The following PRSS3 variants were observed in gnomAD, a reference collection of about 807,000 sequenced individuals.
PRSS3 encodes the protein trypsin-3.
Under a neutral mutation model 20.8 loss-of-function variants are expected in PRSS3, and 14 were observed. That is an observed-to-expected ratio of 0.67 (90% CI 0.44 to 1.05). PRSS3 has a LOEUF of 1.05. Ranked by LOEUF, PRSS3 falls within the 50% of genes least tolerant of loss-of-function variation. The pLI, the probability that PRSS3 is intolerant of heterozygous loss-of-function variation, is 0.00. For missense variants in PRSS3, 237 were observed against 306.4 expected, an observed-to-expected ratio of 0.77 and a Z score of 1.69; for synonymous variants, 91 against 117.6, an observed-to-expected ratio of 0.77 and a Z score of 1.46.
chr9:33,771,636 TG>T (rs560594173), intron 1 of PRSS3, among the ~76,000 whole-genome samples: 17,036 of 113,252 alleles, frequency 0.15, 1,837 homozygotes, highest in Non-Finnish European at 0.17. Flanking sequence ...TTTGTTTTTT[TG>T]TTTTTTTGTT....
chr9:33,754,482 A>C (rs1403317922), intron 1 of PRSS3, among the ~76,000 whole-genome samples: 2 of 152,176 alleles, frequency 1.3e-5, no homozygotes, highest in African/African-American at 4.8e-5. Context: ...ATTAAAGGTG[A>C]GGGAACCTGA....
At chr9:33,755,605 A>G (rs1342777230) in intron 1 of PRSS3, among the ~76,000 whole-genome samples, 1 of 152,026 alleles carries the variant, frequency 6.6e-6, no homozygotes, top group African/African-American at 2.4e-5. Flanking sequence ...TTTGGTGTGT[A>G]TATTATTCCC....
intron 1 of PRSS3, among the ~76,000 whole-genome samples, chr9:33,780,259 T>C (rs1824127168): frequency 6.6e-6 from 1 of 152,224 alleles, no homozygotes; most frequent in Non-Finnish European, 1.5e-5. Context: ...ATTGGGAGAC[T>C]ATTTTCAGCA....
At chr9:33,780,821 A>G (rs1219099109) in intron 1 of PRSS3, among the ~76,000 whole-genome samples, 25 of 152,268 alleles carry the variant, frequency 1.6e-4, no homozygotes, top group Admixed American at 1.6e-3. Flanking sequence ...GTACAATCCA[A>G]CAAGGAGACC....
At chr9:33,790,251 A>G (rs1160307632) in intron 1 of PRSS3, among the ~76,000 whole-genome samples, 2 of 152,242 alleles carry the variant, frequency 1.3e-5, no homozygotes, top group Admixed American at 1.3e-4. Context: ...ATCATACAAT[A>G]TGTAGTTTTA....
At chr9:33,755,676 C>G (rs148191819) in intron 1 of PRSS3, among the ~76,000 whole-genome samples, 34 of 152,292 alleles carry the variant, frequency 2.2e-4, no homozygotes, top group African/African-American at 6.7e-4. Context: ...TCTTTCCCCC[C>G]ACCCCATGGA....
At chr9:33,770,918 A>T (rs1166891310) in intron 1 of PRSS3, among the ~76,000 whole-genome samples, 1 of 152,240 alleles carries the variant, frequency 6.6e-6, no homozygotes, top group Non-Finnish European at 1.5e-5. Context: ...CCTGGGAAAT[A>T]TCGTGCCAAC....
At chr9:33,794,128 C>A (rs1163310257), upstream of PRSS3, among the ~76,000 whole-genome samples, 1 of 152,252 alleles carries the variant, frequency 6.6e-6, no homozygotes, top group Non-Finnish European at 1.5e-5. Context: ...TTCCAATTCC[C>A]TCTGGTTTCC....
Position 33,796,769 on chromosome 9 carries a change from A to G in PRSS3, c.167A>G (p.Gln56Arg). Residue 56 changes from glutamine (Q) to arginine (R), a missense_variant, in exon 2 of 5, where the codon CAG becomes CGG. By Grantham distance (43) the Gln-to-Arg change is conservative. Coordinates refer to ENST00000379405, the MANE Select transcript of PRSS3 (RefSeq NM_002771.4). ...TGCGGTGGCTCCCTCATCAGCGAAC[A>G]GTGGGTGGTATCAGCAGCTCACTGC... ...HFCGGSLISEQWVVSAAHCYK... is the reference protein window; with the variant it reads ...HFCGGSLISERWVVSAAHCYK... 1.2e-6 allele frequency: 2 copies of G among 1,614,006 alleles called. No individual in the cohort carries two copies. Among genetic ancestry groups the G allele is most frequent in the Non-Finnish European group, 1.7e-6 (2 of 1,179,856 alleles).
intron 1 of PRSS3, 95 bp downstream of exon 1, chr9:33,795,708 T>A (rs1824884491): frequency 7.1e-7 from 1 of 1,415,086 alleles, no homozygotes; most frequent in African/African-American, 1.4e-5. Flanking sequence ...TTGACTGCGC[T>A]CTGATATTCT....
At chr9:33,790,575 T>A (rs543981783), upstream of PRSS3, among the ~76,000 whole-genome samples, 1 of 152,330 alleles carries the variant, frequency 6.6e-6, no homozygotes, top group Non-Finnish European at 1.5e-5. Context: ...AAGAGACCCT[T>A]CCACTCTACG....
At chr9:33,785,551 ATAT>A (rs1489110318) in intron 1 of PRSS3, among the ~76,000 whole-genome samples, 1 of 152,216 alleles carries the variant, frequency 6.6e-6, no homozygotes, top group Non-Finnish European at 1.5e-5. Flanking sequence ...AGAAGAAACC[ATAT>A]TACAAGTATT....
At chr9:33,754,196 C>T (rs1357170002) in intron 1 of PRSS3, among the ~76,000 whole-genome samples, 1 of 152,132 alleles carries the variant, frequency 6.6e-6, no homozygotes, top group Admixed American at 6.5e-5. Flanking sequence ...CCTCAGCCTC[C>T]AAGTAGCTGG....
chr9:33,762,286 C>A (rs1043630227), intron 1 of PRSS3: 1 of 152,214 alleles, frequency 6.6e-6, no homozygotes, highest in East Asian at 1.9e-4. Context: ...ACTTCCCATA[C>A]AGGAAATAAC....
chr9:33,752,452 A>G (rs1857779111), intron 1 of PRSS3, among the ~76,000 whole-genome samples: 1 of 152,246 alleles, frequency 6.6e-6, no homozygotes. Context: ...TGCTATTGCA[A>G]AACATTTTAT....
At chr9:33,794,891 C>T (rs1824830793), upstream of PRSS3, 1 of 1,550,376 alleles carries the variant, frequency 6.5e-7, no homozygotes, top group East Asian at 2.4e-5. Flanking sequence ...CCTACCTAAC[C>T]TGTGTCCCCT....
At chr9:33,764,246 T>C (rs1394028048) in intron 1 of PRSS3, among the ~76,000 whole-genome samples, 2 of 152,172 alleles carry the variant, frequency 1.3e-5, no homozygotes, top group Non-Finnish European at 2.9e-5. Flanking sequence ...TAAGTCAAAA[T>C]AGATCAGAGG....
intron 1 of PRSS3, among the ~76,000 whole-genome samples, chr9:33,751,414 G>C (rs1822695011): frequency 6.6e-6 from 1 of 152,200 alleles, no homozygotes; most frequent in African/African-American, 2.4e-5. Flanking sequence ...ATTTGCGGGG[G>C]TGGCCCTGTC....
At chr9:33,780,034 G>C (rs1824116010) in intron 1 of PRSS3, among the ~76,000 whole-genome samples, 1 of 151,980 alleles carries the variant, frequency 6.6e-6, no homozygotes, top group Non-Finnish European at 1.5e-5. Context: ...TTGCCAGAGA[G>C]GTTGAAATTC....
Sources: allele counts gnomAD v4.1 joint callset (sites outside exome capture counted in the v4.1 genomes callset), GRCh38; gene constraint gnomAD v4.1.1; transcripts MANE v1.5; gene names NCBI Gene and HGNC (gene_info 2026-07-23, HGNC 2026-07-21).